Variants in TBC1D22B observed in about 807,000 individuals in gnomAD.
The protein encoded by TBC1D22B is TBC1 domain family member 22B.
TBC1D22B carries 32 observed loss-of-function variants against 69.1 expected under a neutral mutation model. The observed-to-expected ratio is 0.46, with a 90% CI of 0.35 to 0.62. TBC1D22B has a LOEUF of 0.62. Among genes scored for constraint, TBC1D22B ranks in the 20% least tolerant of loss-of-function variants. TBC1D22B has a pLI of 0.00. For missense variants in TBC1D22B, 462 were observed against 630.9 expected (o/e 0.73, Z 2.87); for synonymous variants, 206 against 229.8 (o/e 0.90, Z 0.94).
At chr6:37,279,818 T>C (rs987998170) in intron 3 of TBC1D22B, among the ~76,000 whole-genome samples, 14 of 152,236 alleles carry the variant, frequency 9.2e-5, no homozygotes, top group Non-Finnish European at 1.9e-4. Context: ...TCTGGTGACC[T>C]GGGCCTTCAC....
chr6:37,330,602 C>T (rs138274129), intron 12 of TBC1D22B, among the ~76,000 whole-genome samples: 47 of 152,146 alleles, frequency 3.1e-4, no homozygotes, highest in Non-Finnish European at 5.9e-4. Flanking sequence ...GCTGTGATTG[C>T]GTCACTGCAC....
chr6:37,288,882 A>C (rs529357491), intron 7 of TBC1D22B, among the ~76,000 whole-genome samples: 66 of 151,880 alleles, frequency 4.3e-4, no homozygotes, highest in Non-Finnish European at 8.7e-4. Flanking sequence ...TCATCTTTTA[A>C]ATTTTTTTTA....
chr6:37,309,964 A>G (rs1053118547), intron 8 of TBC1D22B, among the ~76,000 whole-genome samples: 1 of 147,938 alleles, frequency 6.8e-6, no homozygotes, highest in Non-Finnish European at 1.5e-5. Flanking sequence ...ATAATATAAA[A>G]CATAATATAA....
In TBC1D22B at chr6:37,308,990, A is replaced by G. The variant is rs555367793; in HGVS notation, c.983-3928A>G. ...AGTGCCAGTGGCTTAAATAAGGTAG[A>G]AGTGTATTTATTCCTTTGGTAACAA... On this transcript the variant is annotated intron_variant, in intron 8 of 12. Transcript: ENST00000373491. Among the ~76,000 whole-genome samples, 3 of 152,130 alleles carry G rather than the reference A, an allele frequency of 2.0e-5. No individual in the cohort carries two copies. In the South Asian group the frequency reaches 6.2e-4, roughly 32 times the overall value.
intron 12 of TBC1D22B, among the ~76,000 whole-genome samples, chr6:37,329,994 C>G (rs1057247606): frequency 3.9e-5 from 6 of 152,200 alleles, no homozygotes; most frequent in Admixed American, 2.6e-4. Flanking sequence ...GACCTTTACA[C>G]TGAGAACTGC....
chr6:37,329,329 G>A (rs1047948845), intron 12 of TBC1D22B, among the ~76,000 whole-genome samples: 1 of 152,046 alleles, frequency 6.6e-6, no homozygotes, highest in African/African-American at 2.4e-5. Context: ...GACCGGCTTC[G>A]CTTGTTTCAA....
chr6:37,310,659 ACT>A (rs1336596783), intron 8 of TBC1D22B, among the ~76,000 whole-genome samples: 5 of 152,088 alleles, frequency 3.3e-5, no homozygotes, highest in African/African-American at 1.2e-4. Context: ...TAAGAGCAAA[ACT>A]CTGTCTCAAA....
rs1268546230 is a variant in TBC1D22B, at chr6:37,279,310, T to G, written c.120T>G (p.Ile40Met). 2 of 1,595,106 alleles carry G rather than the reference T, an allele frequency of 1.3e-6. No individual in the cohort carries two copies. Among genetic ancestry groups the G allele is most frequent in the Admixed American group, 1.8e-5 (1 of 56,980 alleles). ...CGTGTCTCCTTTCTTGAAGTTTCAT[T>G]AAAGAACGATCAAAAGTCAACACAG... is the stretch of plus-strand genomic sequence containing the variant. ...PLDPRLTKNF[I>M]KERSKVNTVP... Residue 40 changes from isoleucine to methionine, a missense_variant, in exon 3 of 13, where the codon ATT becomes ATG. Around this residue, in one of 2 missense-constraint regions of TBC1D22B, gnomAD observed 237 missense variants for 255.4 expected, o/e 0.93. Coordinates refer to ENST00000373491, the MANE Select transcript of TBC1D22B (RefSeq NM_017772.4).
At chr6:37,324,299 C>G (rs967886039) in intron 12 of TBC1D22B, 1 of 456,566 alleles carries the variant, frequency 2.2e-6, no homozygotes, top group Non-Finnish European at 4.4e-6. Context: ...CTCTTAGTCA[C>G]CAGCTGGGTC....
chr6:37,316,319 C>T (rs754227385), intron 10 of TBC1D22B, among the ~76,000 whole-genome samples: 18 of 152,188 alleles, frequency 1.2e-4, no homozygotes, highest in Non-Finnish European at 1.0e-4. Context: ...AGGAGTTCCT[C>T]GCCAGTAGGA....
At chr6:37,283,763 G>A (rs957231991) in intron 5 of TBC1D22B, among the ~76,000 whole-genome samples, 10 of 152,170 alleles carry the variant, frequency 6.6e-5, no homozygotes, top group Non-Finnish European at 1.3e-4. Flanking sequence ...ATGAAAGTTG[G>A]CCTGGAGCTT....
chr6:37,273,859 A>G (rs1766581383), intron 2 of TBC1D22B, among the ~76,000 whole-genome samples: 1 of 152,212 alleles, frequency 6.6e-6, no homozygotes, highest in Non-Finnish European at 1.5e-5. Flanking sequence ...TCTCTGCTAC[A>G]TGATTATAGT....
intron 8 of TBC1D22B, among the ~76,000 whole-genome samples, chr6:37,295,250 G>T (rs1189342213): frequency 1.3e-5 from 2 of 152,018 alleles, no homozygotes; most frequent in East Asian, 1.9e-4. Flanking sequence ...GACTACAGGT[G>T]TGCGCCACCA....
chr6:37,308,923 A>G lies in TBC1D22B; in HGVS notation c.983-3995A>G, dbSNP rs1767819275. ...CAGGAGTTCAAGACCAGCCTAGGCA[A>G]TATAGTAAGATCCTGTCTCTTAAAA... On this transcript the variant is annotated intron_variant, in intron 8 of 12. Coordinates refer to ENST00000373491, the MANE Select transcript of TBC1D22B (RefSeq NM_017772.4). Among the ~76,000 whole-genome samples, 3 of 144,234 alleles carry G rather than the reference A, an allele frequency of 2.1e-5. No homozygotes were observed. The Admixed American group carries it at 2.2e-4, about 10-fold the overall frequency. The allele number at this position is 144,234 out of a possible 152,430, so 94.6% of individuals were successfully genotyped here.
chr6:37,316,760 G>C lies in TBC1D22B; in HGVS notation c.1223G>C (p.Arg408Pro), dbSNP rs752165608. Residue 408 changes from arginine (R) to proline (P), a missense_variant, in exon 11 of 13, where the codon CGC becomes CCC. By Grantham distance (103) the Arg-to-Pro change is moderately radical. Transcript: ENST00000373491. The part of the protein sequence containing the change: ...YEVEYLQFAF[R>P]WMNNLLMREL... ...GTAGAATACCTGCAGTTTGCCTTCCGCTGGATGAACAACCTGCTTATGCGG... is the reference window on the plus strand; with the variant it reads ...GTAGAATACCTGCAGTTTGCCTTCCCCTGGATGAACAACCTGCTTATGCGG... The C allele has an allele frequency of 1.2e-6, 2 of 1,614,072 alleles. No individual in the cohort carries two copies. The highest frequency in any genetic ancestry group is 1.1e-5 in the South Asian group (1 of 91,090).
chr6:37,259,574 T>G lies in TBC1D22B; in HGVS notation c.56+1601T>G, dbSNP rs541953212. On this transcript the variant is annotated intron_variant, in intron 1 of 12. Coordinates refer to ENST00000373491, the MANE Select transcript of TBC1D22B (RefSeq NM_017772.4). ...ATTAACAATCTTTTTTTCCTATATT[T>G]CCTGTATTTGGCTATAAGAACAGTC... 8.7e-4 allele frequency among the ~76,000 whole-genome samples: 133 copies of G among 152,354 alleles called. 3 individuals are homozygous for G. The South Asian group carries it at 0.026, about 30-fold the overall frequency.
At chr6:37,322,475 C>T (rs1320725112) in intron 12 of TBC1D22B, among the ~76,000 whole-genome samples, 4 of 152,128 alleles carry the variant, frequency 2.6e-5, no homozygotes, top group African/African-American at 9.7e-5. Flanking sequence ...CGAGATCGTG[C>T]CAGTGCACTC....
intron 2 of TBC1D22B, among the ~76,000 whole-genome samples, chr6:37,269,904 A>G (rs1049434020): frequency 6.6e-6 from 1 of 152,160 alleles, no homozygotes; most frequent in African/African-American, 2.4e-5. Context: ...TCTTTGGTCA[A>G]AAGAGAATAG....
At chr6:37,293,735 C>T (rs547043781) in intron 8 of TBC1D22B, among the ~76,000 whole-genome samples, 1 of 152,330 alleles carries the variant, frequency 6.6e-6, no homozygotes, top group African/African-American at 2.4e-5. Context: ...AGACTGAAAG[C>T]TATGCCTCTT....
Sources: gnomAD v4.1 joint callset for allele counts (sites outside exome capture counted in the v4.1 genomes callset) on GRCh38, gnomAD v4.1.1 for gene constraint, gnomAD v4.1.1 regional missense constraint, MANE v1.5 for transcripts, NCBI Gene and HGNC (gene_info 2026-07-23, HGNC 2026-07-21) for gene names.